CNTN1: variants seen among roughly 807,000 people sequenced by gnomAD.
CNTN1 encodes contactin-1.
CNTN1 carries 38 observed loss-of-function variants against 126.4 expected under a neutral mutation model. The ratio of observed to expected loss-of-function variants is 0.30; its 90% CI spans 0.23 to 0.39. The LOEUF is 0.39. CNTN1 is among the 10% of genes least tolerant of loss of function. The probability of loss-of-function intolerance (pLI) is 1.00; values close to 1 mark genes in which losing one functional copy is unlikely to be tolerated. For missense variants in CNTN1, 1,009 were observed against 1,248.4 expected, an observed-to-expected ratio of 0.81 and a Z score of 2.89; for synonymous variants, 413 against 422.6, an observed-to-expected ratio of 0.98 and a Z score of 0.28.
chr12:40,707,561 T>C (rs1241096763), intron 1 of CNTN1, among the ~76,000 whole-genome samples: 3 of 152,196 alleles, frequency 2.0e-5, no homozygotes, highest in Non-Finnish European at 4.4e-5. Context: ...ATCTTTCTTC[T>C]TTTCTAACAA....
chr12:40,743,059 G>C (rs190450919), intron 1 of CNTN1, among the ~76,000 whole-genome samples: 1 of 152,012 alleles, frequency 6.6e-6, no homozygotes, highest in African/African-American at 2.4e-5. Flanking sequence ...GGTTGAGGCC[G>C]GGGGAATGGG....
At chr12:40,959,384 C>A in intron 15 of CNTN1, 150 bp downstream of exon 15, 1 of 842,284 alleles carries the variant, frequency 1.2e-6, no homozygotes, top group Non-Finnish European at 1.9e-6. Context: ...CTTCCCATGC[C>A]TAAGAATGAT....
At chr12:40,907,121 C>G (rs1944859902) in intron 1 of CNTN1, among the ~76,000 whole-genome samples, 1 of 152,104 alleles carries the variant, frequency 6.6e-6, no homozygotes, top group African/African-American at 2.4e-5. Flanking sequence ...TGCTCTAATG[C>G]CCTAGGCCAT....
chr12:41,009,707 T>A (rs1224696203), intron 17 of CNTN1, among the ~76,000 whole-genome samples: 1 of 152,186 alleles, frequency 6.6e-6, no homozygotes, highest in East Asian at 1.9e-4. Flanking sequence ...AGGTTATTAG[T>A]AATGGCTTCT....
intron 1 of CNTN1, among the ~76,000 whole-genome samples, chr12:40,751,587 T>C (rs549623019): frequency 4.6e-5 from 7 of 152,132 alleles, no homozygotes; most frequent in Non-Finnish European, 8.8e-5. Context: ...GAGGAAACCA[T>C]GAGAAACTGT....
At chr12:40,776,950 C>A (rs142559933) in intron 1 of CNTN1, among the ~76,000 whole-genome samples, 1 of 151,674 alleles carries the variant, frequency 6.6e-6, no homozygotes, top group East Asian at 1.9e-4. Context: ...TCTTGTATAT[C>A]CCACCTCTCC....
intron 1 of CNTN1, among the ~76,000 whole-genome samples, chr12:40,758,988 T>G (rs537430531): frequency 1.3e-5 from 2 of 152,170 alleles, no homozygotes; most frequent in Non-Finnish European, 2.9e-5. Context: ...CACTGCAACC[T>G]CCCACTCTGG....
intron 16 of CNTN1, 36 bp from the exon 17 acceptor site, chr12:40,993,084 A>G: frequency 6.3e-7 from 1 of 1,576,044 alleles, no homozygotes; most frequent in South Asian, 1.1e-5. Flanking sequence ...TAAGTTAATC[A>G]ACCTGTATTC....
intron 1 of CNTN1, among the ~76,000 whole-genome samples, chr12:40,705,102 C>T (rs1400083492): frequency 6.6e-6 from 1 of 152,132 alleles, no homozygotes; most frequent in Non-Finnish European, 1.5e-5. Context: ...CTTTTTAGTG[C>T]CTTCATTGTT....
chr12:40,838,121 C>CT (rs769245130), intron 1 of CNTN1, among the ~76,000 whole-genome samples: 1 of 152,226 alleles, frequency 6.6e-6, no homozygotes, highest in Non-Finnish European at 1.5e-5. Flanking sequence ...GGCATTGCAT[C>CT]TGCAAGACAG....
intron 1 of CNTN1, among the ~76,000 whole-genome samples, chr12:40,728,644 T>C (rs981317590): frequency 2.0e-5 from 3 of 152,234 alleles, no homozygotes; most frequent in Non-Finnish European, 4.4e-5. Context: ...CAAACCATTT[T>C]ACATTTGAGA....
At chr12:40,754,773 C>T (rs763383466) in intron 1 of CNTN1, among the ~76,000 whole-genome samples, 1 of 151,782 alleles carries the variant, frequency 6.6e-6, no homozygotes, top group Non-Finnish European at 1.5e-5. Context: ...TTTGCTTTAT[C>T]ACATCTATTA....
At chr12:40,980,551 C>CTA (rs1314318139) in intron 15 of CNTN1, among the ~76,000 whole-genome samples, 1 of 151,860 alleles carries the variant, frequency 6.6e-6, no homozygotes, top group African/African-American at 2.4e-5. Context: ...CTGAATTGTG[C>CTA]TACCATCTGA....
chr12:40,701,453 A>T (rs139813404), intron 1 of CNTN1, among the ~76,000 whole-genome samples: 84 of 152,256 alleles, frequency 5.5e-4, no homozygotes, highest in African/African-American at 1.8e-3. Flanking sequence ...TTTAATTGTC[A>T]TGGTTACTAA....
chr12:40,987,863 C>T (rs1233603166), intron 16 of CNTN1, among the ~76,000 whole-genome samples: 1 of 151,700 alleles, frequency 6.6e-6, no homozygotes, highest in East Asian at 1.9e-4. Flanking sequence ...TCTCTTCTGC[C>T]ATATCTTTAC....
intron 2 of CNTN1, 116 bp from the exon 3 acceptor site, chr12:40,909,957 G>A (rs924481981): frequency 5.2e-6 from 4 of 763,238 alleles, no homozygotes; most frequent in Non-Finnish European, 9.3e-6. Flanking sequence ...AACCTTTATA[G>A]TAAAGGGCCA....
intron 5 of CNTN1, among the ~76,000 whole-genome samples, chr12:40,922,888 T>C (rs1945497998): frequency 6.8e-6 from 1 of 148,004 alleles, no homozygotes; most frequent in Admixed American, 6.9e-5. Flanking sequence ...GGAGAATTGA[T>C]GGAACCTGGG....
chr12:40,984,987 C>T (rs191528869), intron 16 of CNTN1, among the ~76,000 whole-genome samples: 63 of 152,026 alleles, frequency 4.1e-4, no homozygotes, highest in African/African-American at 1.5e-3. Context: ...TACCAATGCT[C>T]ATTATTTTGG....
intron 1 of CNTN1, among the ~76,000 whole-genome samples, chr12:40,852,778 A>G (rs1431477063): frequency 6.6e-6 from 1 of 152,068 alleles, no homozygotes. Flanking sequence ...AACTTTATGT[A>G]TCTCAGTTAC....
Sources: allele counts gnomAD v4.1 joint callset (sites outside exome capture counted in the v4.1 genomes callset), GRCh38; gene constraint gnomAD v4.1.1; transcripts MANE v1.5; gene names NCBI Gene and HGNC (gene_info 2026-07-23, HGNC 2026-07-21).